EYS: variants seen among roughly 807,000 people sequenced by gnomAD.
EYS encodes protein eyes shut homolog.
Under a neutral mutation model 282.1 loss-of-function variants are expected in EYS, and 250 were observed. The observed-to-expected ratio is 0.89, with a 90% CI of 0.80 to 0.98. EYS has a LOEUF of 0.98. EYS is among the 50% of genes least tolerant of loss of function. EYS has a pLI of 0.00. For missense variants in EYS, 4,016 were observed against 3,709.0 expected (o/e 1.08, Z -2.15); for synonymous variants, 1,355 against 1,282.9 (o/e 1.06, Z -1.20).
chr6:64,277,943 A>G (rs1341795412), intron 30 of EYS, among the ~76,000 whole-genome samples: 1 of 152,190 alleles, frequency 6.6e-6, no homozygotes, highest in Non-Finnish European at 1.5e-5. Flanking sequence ...AGTATGAAAC[A>G]TTCAGAAATC....
At chr6:64,283,946 T>C (rs1205963532) in intron 30 of EYS, among the ~76,000 whole-genome samples, 6 of 152,092 alleles carry the variant, frequency 3.9e-5, no homozygotes, top group African/African-American at 1.2e-4. Flanking sequence ...CCTCCCACAA[T>C]AGGTGGGAAT....
intron 12 of EYS, among the ~76,000 whole-genome samples, chr6:65,101,117 T>C (rs1774881643): frequency 6.6e-6 from 1 of 151,046 alleles, no homozygotes; most frequent in Admixed American, 6.6e-5. Flanking sequence ...AAATTACATG[T>C]CAAAAGGAAT....
At chr6:65,514,237 G>A (rs563502230) in intron 2 of EYS, among the ~76,000 whole-genome samples, 2 of 152,154 alleles carry the variant, frequency 1.3e-5, no homozygotes, top group East Asian at 1.9e-4. Flanking sequence ...TACAAGGGAC[G>A]TGAAGGACCT....
intron 5 of EYS, among the ~76,000 whole-genome samples, chr6:65,427,387 T>C (rs2150381232): frequency 6.6e-6 from 1 of 150,424 alleles, no homozygotes; most frequent in East Asian, 2.0e-4. Flanking sequence ...GTTTAAATTT[T>C]TCAAAATACA....
At chr6:63,784,535 A>G (rs1770316880) in intron 39 of EYS, among the ~76,000 whole-genome samples, 1 of 152,068 alleles carries the variant, frequency 6.6e-6, no homozygotes, top group South Asian at 2.1e-4. Context: ...GGTCTCAGGA[A>G]ACTTACAGTC....
chr6:64,275,268 G>T (rs9344942), intron 30 of EYS, among the ~76,000 whole-genome samples: 114,557 of 152,060 alleles, frequency 0.75, 43,781 homozygotes, highest in African/African-American at 0.89. Flanking sequence ...TGATAGGGTT[G>T]TCTTTTTAAT....
intron 32 of EYS, among the ~76,000 whole-genome samples, chr6:64,071,569 CAAAGAAA>C (rs1258078722): frequency 3.3e-5 from 4 of 122,182 alleles, no homozygotes; most frequent in African/African-American, 8.9e-5. Flanking sequence ...TATACTTTAA[CAAAGAAA>C]AATCAGCTAA....
At chr6:63,741,126 A>C (rs578025645) in intron 41 of EYS, among the ~76,000 whole-genome samples, 1 of 152,326 alleles carries the variant, frequency 6.6e-6, no homozygotes, top group African/African-American at 2.4e-5. Flanking sequence ...GGGCTGTTTC[A>C]GAAGCGTTAG....
intron 12 of EYS, among the ~76,000 whole-genome samples, chr6:65,070,337 G>C (rs1270413607): frequency 6.6e-6 from 1 of 151,734 alleles, no homozygotes; most frequent in Non-Finnish European, 1.5e-5. Context: ...AAATATCTCA[G>C]CAAGTTTTAC....
At chr6:65,590,875 C>A (rs1368250568) in intron 2 of EYS, among the ~76,000 whole-genome samples, 4 of 148,682 alleles carry the variant, frequency 2.7e-5, no homozygotes, top group African/African-American at 9.9e-5. Context: ...TTTATCCATT[C>A]TTCAGTTGAT....
chr6:64,624,632 T>C (rs1428128863), intron 23 of EYS, among the ~76,000 whole-genome samples: 1 of 152,152 alleles, frequency 6.6e-6, no homozygotes, highest in Non-Finnish European at 1.5e-5. Flanking sequence ...AACCTAGTAC[T>C]AGTAATGAAT....
At chr6:64,862,940 T>C (rs540359019) in intron 19 of EYS, among the ~76,000 whole-genome samples, 1 of 152,260 alleles carries the variant, frequency 6.6e-6, no homozygotes, top group South Asian at 2.1e-4. Flanking sequence ...CTGTATTTAT[T>C]CCATTTAAAG....
chr6:63,742,687 G>C (rs1382536764), intron 41 of EYS, among the ~76,000 whole-genome samples: 3 of 152,106 alleles, frequency 2.0e-5, no homozygotes, highest in Non-Finnish European at 4.4e-5. Context: ...AATATAGGCT[G>C]GGAGCAAATG....
intron 12 of EYS, among the ~76,000 whole-genome samples, chr6:65,210,169 T>G (rs1284947521): frequency 6.6e-6 from 1 of 151,948 alleles, no homozygotes; most frequent in Non-Finnish European, 1.5e-5. Flanking sequence ...AACACAGGCA[T>G]AGGATTGAAT....
chr6:64,912,666 T>A lies in EYS; in HGVS notation c.2459A>T (p.Asn820Ile). Residue 820 changes from asparagine to isoleucine, a missense_variant, in exon 16 of 43, where the codon AAT becomes ATT. By Grantham distance (149) the Asn-to-Ile change is moderately radical. Coordinates refer to ENST00000503581, the MANE Select transcript of EYS (RefSeq NM_001142800.2). ...INECDSDPCM[N>I]GGLCHESTIP... ...GGTAGATTCATGACAAAGACCTCCA[T>A]TCATGCATGGATCAGAGTCGCATTC... is the stretch of plus-strand genomic sequence containing the variant. The A allele has an allele frequency of 6.5e-7, 1 of 1,546,102 alleles. No individual in the cohort carries two copies.
At chr6:65,090,892 T>A (rs775863154) in intron 12 of EYS, among the ~76,000 whole-genome samples, 9 of 152,014 alleles carry the variant, frequency 5.9e-5, no homozygotes, top group Non-Finnish European at 1.2e-4. Flanking sequence ...TGTCATAAGG[T>A]CTGAGAATGC....
chr6:64,123,729 C>T (rs1322071633), intron 31 of EYS, among the ~76,000 whole-genome samples: 1 of 152,102 alleles, frequency 6.6e-6, no homozygotes, highest in Non-Finnish European at 1.5e-5. Context: ...AGAAATGTCC[C>T]CTTTAGGGCC....
rs1764759833 is a variant in EYS, at chr6:65,459,948, T to A, written c.862+30646A>T. 6.0e-5 allele frequency among the ~76,000 whole-genome samples: 8 copies of A among 132,304 alleles called. No individual in the cohort carries two copies. In the South Asian group the frequency reaches 1.9e-3, roughly 32 times the overall value. 86.8% of individuals were successfully genotyped at this position (132,304 alleles called of 152,430 possible). On this transcript the variant is annotated intron_variant, in intron 5 of 42. Transcript: ENST00000503581. ...TTCCATACTTTTTCTGGTGCGTGTGTGTGTGTGTGTTTGTGTATTTTATAT... is the reference window on the plus strand; with the variant it reads ...TTCCATACTTTTTCTGGTGCGTGTGAGTGTGTGTGTTTGTGTATTTTATAT...
At chr6:64,542,900 A>G (rs1764734383) in intron 26 of EYS, among the ~76,000 whole-genome samples, 1 of 152,026 alleles carries the variant, frequency 6.6e-6, no homozygotes, top group Non-Finnish European at 1.5e-5. Flanking sequence ...TTCATTTCTT[A>G]TTTTTAATTT....
Sources: allele counts gnomAD v4.1 joint callset (sites outside exome capture counted in the v4.1 genomes callset), GRCh38; gene constraint gnomAD v4.1.1; transcripts MANE v1.5; gene names NCBI Gene and HGNC (gene_info 2026-07-23, HGNC 2026-07-21).